FSCN1: variants seen among roughly 807,000 people sequenced by gnomAD.
FSCN1 encodes the protein fascin actin-bundling protein 1.
In FSCN1, 10 loss-of-function variants were observed where a neutral mutation model predicts 39.7. That is an observed-to-expected ratio of 0.25 (90% confidence interval 0.16 to 0.43). The LOEUF (loss-of-function observed/expected upper bound fraction) is 0.43. FSCN1 is among the 20% of genes least tolerant of loss of function. The probability of loss-of-function intolerance (pLI) is 1.00; values close to 1 mark genes in which losing one functional copy is unlikely to be tolerated. For missense variants in FSCN1, 525 were observed against 723.8 expected, an observed-to-expected ratio of 0.73 and a Z score of 3.15; for synonymous variants, 322 against 320.0, an observed-to-expected ratio of 1.01 and a Z score of -0.07.
intron 1 of FSCN1, among the ~76,000 whole-genome samples, chr7:5,601,102 T>A (rs1785821887): frequency 6.6e-6 from 1 of 151,628 alleles, no homozygotes; most frequent in African/African-American, 2.4e-5. Flanking sequence ...CCCATTCTAC[T>A]TTTTAGGGAC....
At chr7:5,597,747 TAAAAAA>T (rs566357479) in intron 1 of FSCN1, among the ~76,000 whole-genome samples, 5 of 133,940 alleles carry the variant, frequency 3.7e-5, no homozygotes, top group Non-Finnish European at 6.5e-5. Flanking sequence ...AGAAAAAAGT[TAAAAAA>T]AAAAAAAAGA....
intron 1 of FSCN1, among the ~76,000 whole-genome samples, chr7:5,597,486 G>A (rs551690291): frequency 2.7e-4 from 41 of 152,180 alleles, no homozygotes; most frequent in African/African-American, 9.9e-4. Flanking sequence ...GACCAACATG[G>A]AGAAACCCCA....
At chr7:5,597,456 C>T (rs747528311) in intron 1 of FSCN1, among the ~76,000 whole-genome samples, 2 of 151,888 alleles carry the variant, frequency 1.3e-5, no homozygotes, top group Admixed American at 6.6e-5. Context: ...ACCTGGAGGT[C>T]GGGAGTTTGA....
rs1304363308 is a variant in FSCN1 at position 5,603,565 on chromosome 7, G to A, written c.1059G>A (p.Lys353=). The A allele has an allele frequency of 1.9e-6, 3 of 1,614,064 alleles. No individual in the cohort carries two copies. The highest frequency in any genetic ancestry group is 2.5e-6 in the Non-Finnish European group (3 of 1,180,028). ...TCACACTGAGGGCGTCCAATGGCAA[G>A]TTTGTGACCTCCAAGAAGAATGGGC... ...RRITLRASNG[K]FVTSKKNGQL... Residue 353 remains lysine, a synonymous_variant, in exon 3 of 5, where the codon AAG becomes AAA. Transcript: ENST00000382361. The surrounding 1 kb of genome is among the most constrained non-coding windows in gnomAD (Gnocchi z 8.5).
chr7:5,593,321 G>C lies in FSCN1; in HGVS notation c.385G>C (p.Ala129Pro), dbSNP rs1381973515. 1.2e-6 allele frequency: 2 copies of C among 1,611,326 alleles called. No individual in the cohort carries two copies. Among genetic ancestry groups the C allele is most frequent in the Non-Finnish European group, 1.7e-6 (2 of 1,179,362 alleles). Residue 129 changes from alanine (A) to proline (P), a missense_variant, in exon 1 of 5, where the codon GCC becomes CCC. Transcript: ENST00000382361. ...LSCFAQTVSP[A>P]EKWSVHIAMH... ...CTGCTTCGCGCAGACGGTGTCCCCC[G>C]CCGAGAAGTGGAGCGTGCACATCGC...
At position 5,603,813 on chromosome 7, in the gene FSCN1, C is replaced by T. The variant is rs756990563; in HGVS notation, c.1112-50C>T. The T allele has an allele frequency of 3.8e-6, 6 of 1,580,968 alleles. No homozygotes were observed. The South Asian group carries it at 6.8e-5, about 18-fold the overall frequency. The stretch of plus-strand genomic sequence containing the variant: ...CTCCCTCTCTGGTCACCCCAGCCTC[C>T]ACCCCACTCCCTGCCAGGAGGCTCA... On this transcript the variant is annotated intron_variant, in intron 3 of 4. Transcript: ENST00000382361. This position sits in a 1 kb window ranked among gnomAD's most constrained non-coding sequence, Gnocchi z 8.5.
chr7:5,603,010 C>G lies in FSCN1; in HGVS notation c.833-247C>G. The G allele has an allele frequency of 1.8e-6, 1 of 559,824 alleles. No homozygotes were observed. The allele number at this position is 559,824 out of a possible 1,614,324, so 34.7% of individuals were successfully genotyped here. On this transcript the variant is annotated intron_variant, in intron 1 of 4. Transcript: ENST00000382361. The surrounding 1 kb of genome is among the most constrained non-coding windows in gnomAD (Gnocchi z 8.5). ...CAGGCATGAGCCCCTGTCCCTGGCC[C>G]CTATTATTTCTCTAACTGGGGAAAG...
At chr7:5,595,539 T>C (rs1053705365) in intron 1 of FSCN1, among the ~76,000 whole-genome samples, 1 of 152,162 alleles carries the variant, frequency 6.6e-6, no homozygotes, top group African/African-American at 2.4e-5. Context: ...TACAGGTTAT[T>C]AGATGGCTGA....
intron 1 of FSCN1, among the ~76,000 whole-genome samples, chr7:5,600,439 A>G (rs1785804770): frequency 6.6e-6 from 1 of 152,226 alleles, no homozygotes; most frequent in African/African-American, 2.4e-5. Flanking sequence ...CAGCTTTGCT[A>G]TAGCTTAGGG....
rs556439328 is a variant in FSCN1, at chr7:5,594,362, G to A, written c.832+594G>A. On this transcript the variant is annotated intron_variant, in intron 1 of 4. Transcript: ENST00000382361. ...CCGGGCGGGGTCGGCCTCCGCTGGT[G>A]GGGGGGGGCGCGGGGTGTCAGCCCT... is the stretch of plus-strand genomic sequence containing the variant. 2.5e-3 allele frequency among the ~76,000 whole-genome samples: 334 copies of A among 133,126 alleles called. 3 individuals carry two copies. Among genetic ancestry groups the A allele is most frequent in the Middle Eastern group, 0.011 (3 of 276 alleles). 87.3% of individuals were successfully genotyped at this position (133,126 alleles called of 152,430 possible).
chr7:5,603,528 G>C lies in FSCN1; in HGVS notation c.1022G>C (p.Arg341Pro), dbSNP rs377275041. The change falls in exon 3 of 5, where the codon CGT (arginine) becomes CCT (proline). Residue 341 changes from arginine to proline, a missense_variant. Arg to Pro is a moderately radical substitution (Grantham distance 103, BLOSUM62 -2). Around this residue, in one of 3 missense-constraint regions of FSCN1, gnomAD observed 275 missense variants for 351.9 expected, o/e 0.78. Transcript: ENST00000382361. The surrounding 1 kb of genome is among the most constrained non-coding windows in gnomAD (Gnocchi z 8.5). ...NASCYFDIEW[R>P]DRRITLRASN... The stretch of plus-strand genomic sequence containing the variant: ...AGCTGCTACTTTGACATCGAGTGGC[G>C]TGACCGGCGCATCACACTGAGGGCG... 1 of 1,614,020 alleles carries C rather than the reference G, an allele frequency of 6.2e-7. No individual in the cohort carries two copies. Among genetic ancestry groups the C allele is most frequent in the African/African-American group, 1.3e-5 (1 of 74,942 alleles).
At chr7:5,602,831 GACCACAGGTTTGC>G (rs1785858897) in intron 1 of FSCN1, 1 of 195,796 alleles carries the variant, frequency 5.1e-6, no homozygotes, top group Admixed American at 5.4e-5. Flanking sequence ...AAGTAGCTGG[GACCACAGGTTTGC>G]ACCACCACTC....
rs1369226401 is a variant in FSCN1 at position 5,606,625 on chromosome 7, G to A, written c.*1151G>A. On this transcript the variant is annotated 3_prime_UTR_variant, in exon 5 of 5. Transcript: ENST00000382361. The surrounding 1 kb of genome is among the most constrained non-coding windows in gnomAD (Gnocchi z 5.1). ...TGATAGTAGCTTCAAACTGGAAATA[G>A]CGAAATAAAATAACTCAGTCTGCAG... is the stretch of plus-strand genomic sequence containing the variant. 6.6e-6 allele frequency: 1 copy of A among 151,066 alleles called. No individual in the cohort carries two copies. The highest frequency in any genetic ancestry group is 1.5e-5 in the Non-Finnish European group (1 of 67,744). 9.4% of individuals were successfully genotyped at this position (151,066 alleles called of 1,614,324 possible).
chr7:5,604,404 A>G (rs1185804824), intron 4 of FSCN1, among the ~76,000 whole-genome samples: 1 of 152,048 alleles, frequency 6.6e-6, no homozygotes, highest in East Asian at 1.9e-4. Context: ...CGCCTCGGTT[A>G]TGGGACTGGA....
At position 5,599,325 on chromosome 7, in the gene FSCN1, G is replaced by T. The variant is rs568990173; in HGVS notation, c.833-3932G>T. 6.6e-6 allele frequency among the ~76,000 whole-genome samples: 1 copy of T among 152,180 alleles called. No individual in the cohort carries two copies. Among genetic ancestry groups the T allele is most frequent in the Non-Finnish European group, 1.5e-5 (1 of 68,024 alleles). On this transcript the variant is annotated intron_variant, in intron 1 of 4. Transcript: ENST00000382361. The surrounding 1 kb of genome is among the most constrained non-coding windows in gnomAD (Gnocchi z 5.6). ...CCAGGAACCCATAGACAAGAGGGTG[G>T]GGCAGGGAAAGGGCGTGGCAAGAGG...
At chr7:5,596,832 G>A (rs1186620218) in intron 1 of FSCN1, among the ~76,000 whole-genome samples, 1 of 152,220 alleles carries the variant, frequency 6.6e-6, no homozygotes, top group African/African-American at 2.4e-5. Flanking sequence ...AGGATGCAGA[G>A]GCATTTGAAA....
chr7:5,603,848 C>A lies in FSCN1; in HGVS notation c.1112-15C>A. The stretch of plus-strand genomic sequence containing the variant: ...CCTGCCAGGAGGCTCACTGACTCCC[C>A]TCTTTCTGGGACAGGGGACTCAGAG... On this transcript the variant is annotated splice_polypyrimidine_tract_variant and intron_variant, in intron 3 of 4. Coordinates refer to ENST00000382361, the MANE Select transcript of FSCN1 (RefSeq NM_003088.4). This position sits in a 1 kb window ranked among gnomAD's most constrained non-coding sequence, Gnocchi z 8.5. 1 of 1,608,520 alleles carries A rather than the reference C, an allele frequency of 6.2e-7. No homozygotes were observed. The highest frequency in any genetic ancestry group is 8.5e-7 in the Non-Finnish European group (1 of 1,176,284).
intron 1 of FSCN1, among the ~76,000 whole-genome samples, chr7:5,596,104 A>T (rs1032792699): frequency 2.1e-5 from 3 of 146,312 alleles, no homozygotes; most frequent in African/African-American, 7.7e-5. Flanking sequence ...TCTCGTTTCT[A>T]TGTCAGCCAA....
rs1416256323 is a variant in FSCN1 at position 5,593,589 on chromosome 7, C to G, written c.653C>G (p.Ser218Cys). The stretch of plus-strand genomic sequence containing the variant: ...ACTGGCTACACGCTGGAGTTCCGCT[C>G]CGGCAAGGTGGCCTTCCGCGACTGC... ...PATGYTLEFR[S>C]GKVAFRDCEG... The change falls in exon 1 of 5, where the codon TCC (serine) becomes TGC (cysteine). Residue 218 changes from serine (S) to cysteine (C), a missense_variant. By Grantham distance (112) the Ser-to-Cys change is moderately radical. Around this residue, in one of 3 missense-constraint regions of FSCN1, gnomAD observed 246 missense variants for 350.6 expected, o/e 0.70. Coordinates refer to ENST00000382361, the MANE Select transcript of FSCN1 (RefSeq NM_003088.4). The G allele has an allele frequency of 6.4e-7, 1 of 1,564,524 alleles. No homozygotes were observed. Among genetic ancestry groups the G allele is most frequent in the Non-Finnish European group, 8.6e-7 (1 of 1,161,572 alleles).
Sources: gnomAD v4.1 joint callset for allele counts (sites outside exome capture counted in the v4.1 genomes callset) on GRCh38, gnomAD v4.1.1 for gene constraint, gnomAD v4.1.1 regional missense constraint, Gnocchi (gnomAD v3.1) non-coding constraint, MANE v1.5 for transcripts, NCBI Gene and HGNC (gene_info 2026-07-23, HGNC 2026-07-21) for gene names.